The following WNT2 variants were observed in gnomAD, a reference collection of about 807,000 sequenced individuals.
The protein encoded by WNT2 is Wnt family member 2, also known as protein Wnt-2.
WNT2 carries 12 observed loss-of-function variants against 36.9 expected under a neutral mutation model. The ratio of observed to expected loss-of-function variants is 0.33; its 90% CI spans 0.21 to 0.53. WNT2 has a LOEUF of 0.53. Among genes scored for constraint, WNT2 ranks in the 20% least tolerant of loss-of-function variants. The probability of loss-of-function intolerance (pLI) is 0.95; values close to 1 mark genes in which losing one functional copy is unlikely to be tolerated. For synonymous variants in WNT2, 163 were observed against 174.6 expected, an observed-to-expected ratio of 0.93 and a Z score of 0.52; for missense variants, 379 against 473.1, an observed-to-expected ratio of 0.80 and a Z score of 1.84.
chr7:117,276,297 C>T lies in WNT2; in HGVS notation c.*1858G>A, dbSNP rs759889371. On this transcript the variant is annotated 3_prime_UTR_variant, in exon 5 of 5. Transcript: ENST00000265441. ...TGTGGGACCCCCATGAAAGTGCCTT[C>T]GCACTCTCATGAAGGAATTCACACC... is the stretch of plus-strand genomic sequence containing the variant. 1.9e-4 allele frequency among the ~76,000 whole-genome samples: 29 copies of T among 152,206 alleles called. No homozygotes were observed. Among genetic ancestry groups the T allele is most frequent in the Admixed American group, 7.2e-4 (11 of 15,288 alleles).
chr7:117,313,751 C>A (rs1301587962), intron 3 of WNT2, among the ~76,000 whole-genome samples: 2 of 152,206 alleles, frequency 1.3e-5, no homozygotes, highest in African/African-American at 2.4e-5. Flanking sequence ...TTATCCAAAT[C>A]ATTGCACAAA....
rs1054579464 is a variant in WNT2 at position 117,322,264 on chromosome 7, G to A, written c.83+643C>T. ...AAAGCAGCAAAGTTACTCTTCGCGGGGACGGTTGTGAACAAGGTAACATCT... is the reference window on the plus strand; with the variant it reads ...AAAGCAGCAAAGTTACTCTTCGCGGAGACGGTTGTGAACAAGGTAACATCT... On this transcript the variant is annotated intron_variant, in intron 1 of 4. Transcript: ENST00000265441. This position sits in a 1 kb window ranked among gnomAD's most constrained non-coding sequence, Gnocchi z 5.4. 2.6e-5 allele frequency: 4 copies of A among 152,182 alleles called. No individual in the cohort carries two copies. Among genetic ancestry groups the A allele is most frequent in the Admixed American group, 1.3e-4 (2 of 15,278 alleles). The allele number at this position is 152,182 out of a possible 1,614,324, so 9.4% of individuals were successfully genotyped here. A position where few individuals can be genotyped will look rare whatever the true frequency, so the allele number is the denominator to read the frequency against.
chr7:117,280,543 G>A (rs1332492067), intron 4 of WNT2, among the ~76,000 whole-genome samples: 2 of 152,150 alleles, frequency 1.3e-5, no homozygotes, highest in African/African-American at 4.8e-5. Context: ...AGGACCTACT[G>A]TAACCCACAG....
intron 4 of WNT2, among the ~76,000 whole-genome samples, chr7:117,292,297 A>ACACG (rs1794704419): frequency 6.7e-6 from 1 of 149,290 alleles, no homozygotes; most frequent in Non-Finnish European, 1.5e-5. Flanking sequence ...CCACACTCAC[A>ACACG]CACACACACA....
At chr7:117,289,198 C>T (rs187507351) in intron 4 of WNT2, among the ~76,000 whole-genome samples, 174 of 151,914 alleles carry the variant, frequency 1.1e-3, no homozygotes, top group South Asian at 2.1e-3. Flanking sequence ...GCTGGGACTA[C>T]AGGCGCCCAC....
chr7:117,285,948 A>G (rs1360867588), intron 4 of WNT2, among the ~76,000 whole-genome samples: 1 of 152,126 alleles, frequency 6.6e-6, no homozygotes, highest in Admixed American at 6.5e-5. Flanking sequence ...TCATCTTTAT[A>G]CCAAACAATT....
Position 117,297,789 on chromosome 7 carries a change from C to T in WNT2, c.676G>A (p.Asp226Asn), listed in dbSNP as rs142238788. Residue 226 changes from aspartate to asparagine, a missense_variant, in exon 4 of 5, where the codon GAC (aspartate) becomes AAC (asparagine). Physicochemically the swap from Asp to Asn is conservative, Grantham distance 23. Transcript: ENST00000265441. The stretch of plus-strand genomic sequence containing the variant: ...AGATAATCGCCCGTTTTCCTGAAGT[C>T]GGCCATGGCCAGCCAGCATGTCCTG... The part of the protein sequence containing the change: ...TLRTCWLAMA[D>N]FRKTGDYLWR... 5.0e-5 allele frequency: 81 copies of T among 1,614,140 alleles called. No homozygotes were observed. In the East Asian group the frequency reaches 5.3e-4, roughly 11 times the overall value.
chr7:117,276,876 C>T lies in WNT2; in HGVS notation c.*1279G>A, dbSNP rs138861211. ...CATAATTACAGTTGAGTCCCTTAAA[C>T]ATAGTCTCCAAGTTACGATTTGTTT... On this transcript the variant is annotated 3_prime_UTR_variant, in exon 5 of 5. Coordinates refer to ENST00000265441, the MANE Select transcript of WNT2 (RefSeq NM_003391.3). 1.3e-5 allele frequency: 2 copies of T among 152,344 alleles called. No individual in the cohort carries two copies. Among genetic ancestry groups the T allele is most frequent in the Non-Finnish European group, 2.9e-5 (2 of 68,034 alleles). 9.4% of individuals were successfully genotyped at this position (152,344 alleles called of 1,614,324 possible).
chr7:117,283,685 G>A (rs972075178), intron 4 of WNT2, among the ~76,000 whole-genome samples: 4 of 152,240 alleles, frequency 2.6e-5, no homozygotes, highest in African/African-American at 9.6e-5. Flanking sequence ...AGAACTCAGA[G>A]AGAGGAGCAG....
intron 4 of WNT2, among the ~76,000 whole-genome samples, chr7:117,293,783 G>T (rs952496154): frequency 4.6e-5 from 7 of 152,088 alleles, no homozygotes; most frequent in African/African-American, 1.7e-4. Context: ...TCAATAATGT[G>T]TGCATGCTGG....
At chr7:117,298,970 C>G (rs1220305269) in intron 3 of WNT2, among the ~76,000 whole-genome samples, 1 of 152,184 alleles carries the variant, frequency 6.6e-6, no homozygotes, top group Non-Finnish European at 1.5e-5. Flanking sequence ...TTACCCCCAC[C>G]TCCGTTGTGG....
chr7:117,310,889 T>C (rs929050589), intron 3 of WNT2, among the ~76,000 whole-genome samples: 3 of 152,234 alleles, frequency 2.0e-5, no homozygotes, highest in Non-Finnish European at 4.4e-5. Context: ...TATGTTATTA[T>C]ACCACATAGC....
At chr7:117,295,964 C>CAGCAG (rs1794782690) in intron 4 of WNT2, among the ~76,000 whole-genome samples, 3 of 152,178 alleles carry the variant, frequency 2.0e-5, no homozygotes, top group South Asian at 2.1e-4. Context: ...CATAGGGCTG[C>CAGCAG]TGTAAGGATC....
chr7:117,306,977 TTTTTA>T, intron 3 of WNT2, among the ~76,000 whole-genome samples: 1 of 152,268 alleles, frequency 6.6e-6, no homozygotes, highest in South Asian at 2.1e-4. Context: ...GGCCCTTCAT[TTTTTA>T]TTTATTTTGA....
Position 117,315,201 on chromosome 7 carries a change from T to C in WNT2, c.458A>G (p.Asp153Gly). 6.2e-7 allele frequency: 1 copy of C among 1,614,108 alleles called. No homozygotes were observed. The highest frequency in any genetic ancestry group is 1.1e-5 in the South Asian group (1 of 91,076). ...AATGTTATCACTGCAGCCACCCCAA[T>C]CAAAAATGCCTTTGCTGTCCTTGGC... The part of the protein sequence containing the change: ...GSAKDSKGIF[D>G]WGGCSDNIDY... The change falls in exon 3 of 5, where the codon GAT (aspartate) becomes GGT (glycine). Residue 153 changes from aspartate to glycine, a missense_variant. Transcript: ENST00000265441.
Position 117,322,492 on chromosome 7 carries a change from G to A in WNT2, c.83+415C>T, listed in dbSNP as rs1276475437. 6.6e-6 allele frequency among the ~76,000 whole-genome samples: 1 copy of A among 151,298 alleles called. No individual in the cohort carries two copies. The highest frequency in any genetic ancestry group is 2.4e-5 in the African/African-American group (1 of 41,072). ...TACCTTGAGGCAGTTTTGGCGGGGT[G>A]GGGGCTGGGATGGGGGAGGCGGTTG... is the stretch of plus-strand genomic sequence containing the variant. On this transcript the variant is annotated intron_variant, in intron 1 of 4. Transcript: ENST00000265441. This position sits in a 1 kb window ranked among gnomAD's most constrained non-coding sequence, Gnocchi z 5.4.
chr7:117,292,635 AG>A, intron 4 of WNT2, among the ~76,000 whole-genome samples: 1 of 152,290 alleles, frequency 6.6e-6, no homozygotes, highest in Non-Finnish European at 1.5e-5. Flanking sequence ...GCGTTACTTC[AG>A]GACTTCTCTA....
At chr7:117,307,136 A>G (rs1022933523) in intron 3 of WNT2, among the ~76,000 whole-genome samples, 9 of 152,226 alleles carry the variant, frequency 5.9e-5, no homozygotes, top group Admixed American at 5.2e-4. Flanking sequence ...TTTAAAAAAA[A>G]GAGCTATGGA....
chr7:117,319,396 G>A (rs1795278537), intron 2 of WNT2, among the ~76,000 whole-genome samples: 1 of 152,046 alleles, frequency 6.6e-6, no homozygotes, highest in African/African-American at 2.4e-5. Flanking sequence ...ACGCCCTTGG[G>A]GGATTTTAGA....
Sources: gnomAD v4.1 joint callset for allele counts (sites outside exome capture counted in the v4.1 genomes callset) on GRCh38, gnomAD v4.1.1 for gene constraint, Gnocchi (gnomAD v3.1) non-coding constraint, MANE v1.5 for transcripts, NCBI Gene and HGNC (gene_info 2026-07-23, HGNC 2026-07-21) for gene names.